Variants in COA1 observed in about 807,000 individuals in gnomAD.
COA1 encodes cytochrome c oxidase assembly factor 1 homolog.
Under a neutral mutation model 16.0 loss-of-function variants are expected in COA1, and 13 were observed. The ratio of observed to expected loss-of-function variants is 0.81; its 90% CI spans 0.53 to 1.29. The LOEUF is 1.29. Ranked by LOEUF, COA1 falls within the 50% of genes most tolerant of loss-of-function variation. The pLI is 0.00. For synonymous variants in COA1, 65 were observed against 65.7 expected, an observed-to-expected ratio of 0.99 and a Z score of 0.05; for missense variants, 179 against 177.0, an observed-to-expected ratio of 1.01 and a Z score of -0.06.
At chr7:43,629,522 G>GT (rs2084958646) in intron 6 of COA1, among the ~76,000 whole-genome samples, 1 of 152,046 alleles carries the variant, frequency 6.6e-6, no homozygotes, top group Non-Finnish European at 1.5e-5. Flanking sequence ...TGATGCTGTT[G>GT]TTTTTTGGAT....
intron 1 of COA1, among the ~76,000 whole-genome samples, chr7:43,707,373 T>A (rs1455808138): frequency 2.0e-5 from 3 of 152,214 alleles, no homozygotes; most frequent in East Asian, 3.8e-4. Flanking sequence ...TTCTTTTTTT[T>A]AAAAGTCTAT....
intron 6 of COA1, among the ~76,000 whole-genome samples, chr7:43,617,223 G>A (rs1009538515): frequency 3.3e-5 from 5 of 152,170 alleles, no homozygotes; most frequent in Non-Finnish European, 7.3e-5. Flanking sequence ...ATGCGAAGGA[G>A]TTTGGAGGTT....
chr7:43,636,182 C>T (rs1023255330), downstream of COA1, among the ~76,000 whole-genome samples: 1 of 152,172 alleles, frequency 6.6e-6, no homozygotes, highest in East Asian at 1.9e-4. Context: ...ATAACATGGG[C>T]GCAGTTTTTC....
intron 6 of COA1, chr7:43,623,621 G>A (rs1377929074): frequency 6.2e-7 from 1 of 1,610,532 alleles, no homozygotes; most frequent in Non-Finnish European, 8.5e-7. Context: ...CAGATATGTG[G>A]TAAGAGTTAT....
At chr7:43,627,184 A>G (rs185154969) in intron 6 of COA1, among the ~76,000 whole-genome samples, 8 of 152,350 alleles carry the variant, frequency 5.3e-5, no homozygotes, top group East Asian at 3.9e-4. Context: ...TATAAAATGT[A>G]TAAGTTTTAA....
intron 1 of COA1, among the ~76,000 whole-genome samples, chr7:43,718,178 T>C (rs1178445997): frequency 6.6e-6 from 1 of 152,248 alleles, no homozygotes; most frequent in Non-Finnish European, 1.5e-5. Context: ...TTATATGAAG[T>C]GGACTATGCA....
chr7:43,617,143 G>A (rs1037029413), intron 6 of COA1, among the ~76,000 whole-genome samples: 4 of 150,488 alleles, frequency 2.7e-5, no homozygotes, highest in African/African-American at 7.5e-5. Flanking sequence ...TCATGGAGCC[G>A]GGGGATCATG....
intron 1 of COA1, among the ~76,000 whole-genome samples, chr7:43,683,271 A>T (rs181385115): frequency 3.9e-5 from 6 of 152,306 alleles, no homozygotes; most frequent in Non-Finnish European, 8.8e-5. Context: ...TTTACATATC[A>T]TAATGATCAT....
intron 1 of COA1, among the ~76,000 whole-genome samples, chr7:43,728,600 G>A (rs1018515897): frequency 2.0e-5 from 3 of 152,204 alleles, no homozygotes; most frequent in Non-Finnish European, 1.5e-5. Flanking sequence ...TCAAGACCCT[G>A]TAGGCCCTTG....
In COA1 at chr7:43,691,054, C is replaced by CAAA. The variant is rs1173049196; in HGVS notation, c.-39+38372_-39+38374dup. ...GCAATATAGCGAGACCTCATCACTA[C>CAAA]AAAAAAAAAAAAAAAAAAAAAAACA... On this transcript the variant is annotated intron_variant, in intron 1 of 5. Transcript: ENST00000223336. 7.5e-3 allele frequency among the ~76,000 whole-genome samples: 292 copies of CAAA among 38,734 alleles called. 1 individual carries two copies. The highest frequency in any genetic ancestry group is 9.0e-3 in the Non-Finnish European group (194 of 21,478). The allele number at this position is 38,734 out of a possible 152,430, so 25.4% of individuals were successfully genotyped here. A position where few individuals can be genotyped will look rare whatever the true frequency, so the allele number is the denominator to read the frequency against.
At chr7:43,622,744 A>C (rs924827637) in intron 6 of COA1, 1 of 150,988 alleles carries the variant, frequency 6.6e-6, no homozygotes, top group Non-Finnish European at 1.5e-5. Context: ...CCTATCACCC[A>C]GGCTGGAGTG....
intron 3 of COA1, chr7:43,646,507 A>G: frequency 1.3e-5 from 6 of 454,976 alleles, no homozygotes; most frequent in Non-Finnish European, 2.7e-5. Flanking sequence ...GCTGGTCAAG[A>G]GCTGGAGCCG....
downstream of COA1, among the ~76,000 whole-genome samples, chr7:43,635,932 C>T (rs561321844): frequency 6.6e-5 from 10 of 152,150 alleles, no homozygotes; most frequent in South Asian, 1.2e-3. Flanking sequence ...TCTGCCTTGG[C>T]GGCTTATTAT....
intron 4 of COA1, among the ~76,000 whole-genome samples, chr7:43,644,049 C>T (rs974227139): frequency 6.6e-6 from 1 of 152,146 alleles, no homozygotes; most frequent in East Asian, 1.9e-4. Flanking sequence ...CCTGCCCACA[C>T]CCACCTCGCC....
Position 43,693,997 on chromosome 7 carries a change from AGAT to A in COA1, c.-39+35429_-39+35431del, listed in dbSNP as rs1194877996. ...CTCCTCTGCTTTCCTCAGGCTCAGCAGATGATCTTGCTTCCTAATTCACTAAGA... is the reference window on the plus strand; with the variant it reads ...CTCCTCTGCTTTCCTCAGGCTCAGCAGATCTTGCTTCCTAATTCACTAAGA... On this transcript the variant is annotated intron_variant, in intron 1 of 5. Coordinates refer to ENST00000223336, the MANE Select transcript of COA1 (RefSeq NM_018224.4). Among the ~76,000 whole-genome samples the A allele has an allele frequency of 9.2e-5, 14 of 151,826 alleles. 1 individual carries two copies. In the South Asian group the frequency reaches 2.5e-3, roughly 27 times the overall value.
chr7:43,644,764 A>ATAGATAGATAGATAGATAGATAGAT (rs1563228896), intron 4 of COA1, among the ~76,000 whole-genome samples: 2 of 74,652 alleles, frequency 2.7e-5, no homozygotes, highest in Non-Finnish European at 6.0e-5. Flanking sequence ...ATAGATAGGC[A>ATAGATAGATAGATAGATAGATAGAT]GGCAGGCAGG....
intron 1 of COA1, chr7:43,657,250 G>C (rs1438616063): frequency 1.3e-5 from 2 of 152,122 alleles, no homozygotes; most frequent in Non-Finnish European, 2.9e-5. Flanking sequence ...ACTACTCCGG[G>C]AAAGTAAATC....
At chr7:43,666,772 C>T (rs1469559153) in intron 1 of COA1, among the ~76,000 whole-genome samples, 4 of 151,960 alleles carry the variant, frequency 2.6e-5, no homozygotes, top group African/African-American at 9.7e-5. Context: ...ATCTGCATTT[C>T]TCTCTGGGTC....
At position 43,633,578 on chromosome 7, in the gene COA1, TAA is replaced by T. The variant is rs893063276; in HGVS notation, c.*133+5869_*133+5870del. On this transcript the variant is annotated intron_variant and NMD_transcript_variant, in intron 6 of 6. Transcript: ENST00000415076. ...CACAGCTCTCCATAATAGAGTAATT[TAA>T]AAGTCTGAAGTATTGTGAGAATTAC... is the stretch of plus-strand genomic sequence containing the variant. Among the ~76,000 whole-genome samples, 43 of 152,246 alleles carry T rather than the reference TAA, an allele frequency of 2.8e-4. 1 individual carries two copies. Among genetic ancestry groups the T allele is most frequent in the African/African-American group, 1.0e-3 (42 of 41,520 alleles).
Sources: gnomAD v4.1 joint callset for allele counts (sites outside exome capture counted in the v4.1 genomes callset) on GRCh38, gnomAD v4.1.1 for gene constraint, MANE v1.5 for transcripts, NCBI Gene and HGNC (gene_info 2026-07-23, HGNC 2026-07-21) for gene names.